The following SPIDR variants were observed in gnomAD, a reference collection of about 807,000 sequenced individuals.
The protein encoded by SPIDR is DNA repair-scaffolding protein.
In SPIDR, 93 loss-of-function variants were observed where a neutral mutation model predicts 104.6. That is an observed-to-expected ratio of 0.89 (90% CI 0.75 to 1.06). SPIDR has a LOEUF of 1.06. SPIDR is among the 50% of genes least tolerant of loss of function. The probability of loss-of-function intolerance (pLI) is 0.00; values close to 1 mark genes in which losing one functional copy is unlikely to be tolerated. For synonymous variants in SPIDR, 431 were observed against 416.9 expected, an observed-to-expected ratio of 1.03 and a Z score of -0.41; for missense variants, 1,154 against 1,111.2, an observed-to-expected ratio of 1.04 and a Z score of -0.55.
intron 10 of SPIDR, among the ~76,000 whole-genome samples, chr8:47,632,176 A>G (rs2067166839): frequency 6.6e-6 from 1 of 152,198 alleles, no homozygotes; most frequent in Non-Finnish European, 1.5e-5. Flanking sequence ...GTTTTAATTT[A>G]ATCACGACAT....
At chr8:47,582,478 T>G (rs1045802052) in intron 8 of SPIDR, among the ~76,000 whole-genome samples, 1 of 152,176 alleles carries the variant, frequency 6.6e-6, no homozygotes, top group East Asian at 1.9e-4. Context: ...TGAAAAGATG[T>G]TTCACATGGT....
intron 9 of SPIDR, among the ~76,000 whole-genome samples, chr8:47,597,033 C>T (rs1459488897): frequency 6.6e-6 from 1 of 152,136 alleles, no homozygotes; most frequent in African/African-American, 2.4e-5. Flanking sequence ...TTCTGGATAC[C>T]TTCTGAAGTA....
intron 8 of SPIDR, among the ~76,000 whole-genome samples, chr8:47,522,276 C>T (rs1330650219): frequency 6.6e-6 from 1 of 152,094 alleles, no homozygotes; most frequent in Non-Finnish European, 1.5e-5. Context: ...GCCACTCTTC[C>T]CAATGGAGCA....
At chr8:47,714,143 G>A (rs1317603549) in intron 16 of SPIDR, among the ~76,000 whole-genome samples, 2 of 152,154 alleles carry the variant, frequency 1.3e-5, no homozygotes, top group Non-Finnish European at 2.9e-5. Context: ...GTGGTGTCAG[G>A]AGTGTGTTCT....
chr8:47,620,464 C>T (rs1000293371), intron 10 of SPIDR, among the ~76,000 whole-genome samples: 17 of 151,878 alleles, frequency 1.1e-4, no homozygotes, highest in African/African-American at 1.5e-4. Flanking sequence ...GACGGGTTTT[C>T]GCCATGTTGG....
chr8:47,383,785 G>A (rs2059588196), intron 5 of SPIDR, among the ~76,000 whole-genome samples: 1 of 152,158 alleles, frequency 6.6e-6, no homozygotes, highest in African/African-American at 2.4e-5. Flanking sequence ...ATTTTTATAA[G>A]TAAAACTATA....
intron 8 of SPIDR, among the ~76,000 whole-genome samples, chr8:47,468,677 G>T (rs1488665635): frequency 6.6e-6 from 1 of 151,960 alleles, no homozygotes; most frequent in African/African-American, 2.4e-5. Flanking sequence ...TGGACCCTTT[G>T]CTTATATAAA....
At chr8:47,438,827 A>G (rs1450306969) in intron 7 of SPIDR, among the ~76,000 whole-genome samples, 2 of 152,236 alleles carry the variant, frequency 1.3e-5, no homozygotes, top group African/African-American at 2.4e-5. Flanking sequence ...ATGGACACCT[A>G]CATAAAGGAA....
intron 3 of SPIDR, among the ~76,000 whole-genome samples, chr8:47,286,137 G>C (rs1431411717): frequency 2.6e-5 from 4 of 152,112 alleles, no homozygotes; most frequent in African/African-American, 9.7e-5. Context: ...AGATGGTACA[G>C]AAGCACCAGA....
intron 8 of SPIDR, among the ~76,000 whole-genome samples, chr8:47,450,383 C>T (rs1203854379): frequency 6.6e-6 from 1 of 152,098 alleles, no homozygotes; most frequent in African/African-American, 2.4e-5. Context: ...TAAATCCATT[C>T]AGGAAGGTAG....
chr8:47,497,989 A>T (rs1316494222), intron 8 of SPIDR, among the ~76,000 whole-genome samples: 1 of 152,226 alleles, frequency 6.6e-6, no homozygotes, highest in Non-Finnish European at 1.5e-5. Context: ...ATGCATTTGC[A>T]CAGCAGAGTT....
chr8:47,371,421 G>A (rs1474763476), intron 5 of SPIDR, among the ~76,000 whole-genome samples: 1 of 152,136 alleles, frequency 6.6e-6, no homozygotes, highest in Non-Finnish European at 1.5e-5. Flanking sequence ...ATAAACAACA[G>A]AAATTTCTCA....
intron 16 of SPIDR, among the ~76,000 whole-genome samples, chr8:47,726,529 C>G (rs1385617976): frequency 6.6e-6 from 1 of 152,236 alleles, no homozygotes; most frequent in African/African-American, 2.4e-5. Context: ...CAATCCCCAG[C>G]AAGCACTGAC....
Position 47,580,145 on chromosome 8 carries a change from T to C in SPIDR, c.1098-15666T>C, listed in dbSNP as rs149399253. Reference sequence around the variant, plus strand: ...TATGGGTAGCAAAGAAGGCTCAGTGTAAATGTTGTGTATATGAGCAGGTGA... The same window carrying C: ...TATGGGTAGCAAAGAAGGCTCAGTGCAAATGTTGTGTATATGAGCAGGTGA... On this transcript the variant is annotated intron_variant, in intron 8 of 19. Coordinates refer to ENST00000297423, the MANE Select transcript of SPIDR (RefSeq NM_001080394.4). Among the ~76,000 whole-genome samples, 420 of 152,296 alleles carry C rather than the reference T, an allele frequency of 2.8e-3. 1 individual carries two copies. Among genetic ancestry groups the C allele is most frequent in the African/African-American group, 9.9e-3 (410 of 41,568 alleles).
At chr8:47,521,353 C>T (rs986065916) in intron 8 of SPIDR, among the ~76,000 whole-genome samples, 4 of 151,990 alleles carry the variant, frequency 2.6e-5, no homozygotes, top group African/African-American at 7.2e-5. Flanking sequence ...TATTATGGGA[C>T]GTGTGTGGCT....
chr8:47,521,118 C>A (rs1296143276), intron 8 of SPIDR, among the ~76,000 whole-genome samples: 1 of 152,154 alleles, frequency 6.6e-6, no homozygotes, highest in Admixed American at 6.5e-5. Flanking sequence ...TGGGGTGATA[C>A]GTCACAAAGA....
chr8:47,316,232 C>A (rs1554589409), intron 5 of SPIDR, among the ~76,000 whole-genome samples: 1 of 152,042 alleles, frequency 6.6e-6, no homozygotes, highest in Admixed American at 6.5e-5. Flanking sequence ...TAAGGAAATA[C>A]AAAAGTAAAC....
At chr8:47,722,084 C>T (rs2083484146) in intron 16 of SPIDR, among the ~76,000 whole-genome samples, 1 of 152,134 alleles carries the variant, frequency 6.6e-6, no homozygotes, top group South Asian at 2.1e-4. Context: ...TTTCCTCATA[C>T]AGATCTTGTA....
In SPIDR at chr8:47,673,001, C is replaced by T. The variant is rs1004936595; in HGVS notation, c.1545-800C>T. 3.3e-5 allele frequency among the ~76,000 whole-genome samples: 5 copies of T among 152,280 alleles called. No homozygotes were observed. In the South Asian group the frequency reaches 1.0e-3, roughly 32 times the overall value. ...TTCATCTGTTCTCCTCCAACATGTG[C>T]TTTTTTCACATTCTTATCTTTAGAA... is the stretch of plus-strand genomic sequence containing the variant. On this transcript the variant is annotated intron_variant, in intron 10 of 19. Coordinates refer to ENST00000297423, the MANE Select transcript of SPIDR (RefSeq NM_001080394.4).
Sources: allele counts gnomAD v4.1 joint callset (sites outside exome capture counted in the v4.1 genomes callset), GRCh38; gene constraint gnomAD v4.1.1; transcripts MANE v1.5; gene names NCBI Gene and HGNC (gene_info 2026-07-23, HGNC 2026-07-21).